RHAG: variants seen among roughly 807,000 people sequenced by gnomAD.
RHAG encodes ammonium transporter Rh type A.
In RHAG, 25 loss-of-function variants were observed where a neutral mutation model predicts 42.4. The ratio of observed to expected loss-of-function variants is 0.59; its 90% CI spans 0.43 to 0.82. RHAG has a LOEUF of 0.82. Among genes scored for constraint, RHAG ranks in the 40% least tolerant of loss-of-function variants. RHAG has a pLI of 0.00. For missense variants in RHAG, 483 were observed against 504.6 expected, an observed-to-expected ratio of 0.96 and a Z score of 0.41; for synonymous variants, 182 against 177.7, an observed-to-expected ratio of 1.02 and a Z score of -0.19.
At chr6:49,629,018 C>A (rs967801951) in intron 1 of RHAG, among the ~76,000 whole-genome samples, 1 of 152,152 alleles carries the variant, frequency 6.6e-6, no homozygotes, top group Non-Finnish European at 1.5e-5. Flanking sequence ...CCAAGTGGTG[C>A]GTTTTGACAG....
At chr6:49,630,649 TTACA>T (rs1266431421) in intron 1 of RHAG, among the ~76,000 whole-genome samples, 1 of 152,174 alleles carries the variant, frequency 6.6e-6, no homozygotes, top group Non-Finnish European at 1.5e-5. Flanking sequence ...CAATAAACAC[TTACA>T]TACTATTCAC....
chr6:49,631,429 T>C (rs1275626828), intron 1 of RHAG, among the ~76,000 whole-genome samples: 5 of 152,250 alleles, frequency 3.3e-5, no homozygotes, highest in Non-Finnish European at 5.9e-5. Context: ...CTCCTCTTTT[T>C]CTCTTTTATG....
Position 49,612,481 on chromosome 6 carries a change from C to T in RHAG, c.861G>A (p.Ala287=), listed in dbSNP as rs10485291. 0.033 allele frequency: 53,633 copies of T among 1,613,844 alleles called. 1,349 individuals carry two copies. Among genetic ancestry groups the T allele is most frequent in the South Asian group, 0.097 (8,876 of 91,064 alleles). ...AACCAAATGGGTGAATTGCCATATC[C>T]GCACAAGTGCCCACAGCAACTCCTC... The part of the protein sequence containing the change: ...LAGGVAVGTC[A]DMAIHPFGSM... The change falls in exon 6 of 10, where the codon GCG becomes GCA. Residue 287 remains alanine, a synonymous_variant. Coordinates refer to ENST00000371175, the MANE Select transcript of RHAG (RefSeq NM_000324.3).
intron 1 of RHAG, among the ~76,000 whole-genome samples, chr6:49,630,032 C>A (rs992616026): frequency 2.0e-5 from 3 of 152,194 alleles, no homozygotes; most frequent in African/African-American, 7.2e-5. Flanking sequence ...CCTCAAGTGC[C>A]GCCAAAGTGG....
intron 3 of RHAG, among the ~76,000 whole-genome samples, chr6:49,617,191 A>G (rs1210162569): frequency 5.3e-5 from 8 of 152,228 alleles, no homozygotes; most frequent in Admixed American, 5.2e-4. Flanking sequence ...ACCTTGGCTT[A>G]AAGAACTTTT....
At chr6:49,614,462 A>G (rs1762618934) in intron 5 of RHAG, among the ~76,000 whole-genome samples, 1 of 151,920 alleles carries the variant, frequency 6.6e-6, no homozygotes, top group Non-Finnish European at 1.5e-5. Flanking sequence ...TAGGCCTCCC[A>G]AAGTGCTGGG....
chr6:49,628,135 GACACACAC>G (rs57969448), intron 1 of RHAG, among the ~76,000 whole-genome samples: 47 of 135,890 alleles, frequency 3.5e-4, no homozygotes, highest in African/African-American at 5.3e-4. Context: ...GTGTGTGTGA[GACACACAC>G]ACACACACAC....
intron 3 of RHAG, among the ~76,000 whole-genome samples, chr6:49,617,288 C>T (rs1233371255): frequency 6.6e-6 from 1 of 152,208 alleles, no homozygotes; most frequent in Non-Finnish European, 1.5e-5. Flanking sequence ...CTTGATTCTA[C>T]AATCTAATCT....
chr6:49,617,926 C>T, intron 3 of RHAG, 142 bp downstream of exon 3: 1 of 716,554 alleles, frequency 1.4e-6, no homozygotes, highest in Non-Finnish European at 2.4e-6. Flanking sequence ...AGTAGGCACT[C>T]AGTAAATGAT....
intron 5 of RHAG, 48 bp from the exon 6 acceptor site, chr6:49,612,582 A>T: frequency 1.2e-6 from 2 of 1,610,100 alleles, no homozygotes; most frequent in Non-Finnish European, 8.5e-7. Flanking sequence ...ATGATGGAGA[A>T]TTCAGAAGGA....
In RHAG at chr6:49,611,015, T is replaced by G; in HGVS notation, c.1067+9A>C. The stretch of plus-strand genomic sequence containing the variant: ...CCACAGGGGCTGAAAAACCCATTCT[T>G]TTACTCACGTGTTGGAGGCGCCCAT... On this transcript the variant is annotated intron_variant, in intron 7 of 9. Coordinates refer to ENST00000371175, the MANE Select transcript of RHAG (RefSeq NM_000324.3). 1.9e-6 allele frequency: 3 copies of G among 1,613,716 alleles called. No individual in the cohort carries two copies. The highest frequency in any genetic ancestry group is 2.5e-6 in the Non-Finnish European group (3 of 1,179,748).
intron 1 of RHAG, among the ~76,000 whole-genome samples, chr6:49,628,818 C>T (rs538539885): frequency 2.2e-4 from 33 of 152,248 alleles, no homozygotes; most frequent in Non-Finnish European, 3.8e-4. Flanking sequence ...CAGACCTTCA[C>T]GGTGAGTATT....
chr6:49,620,395 T>C (rs1216772684), intron 1 of RHAG, among the ~76,000 whole-genome samples: 2 of 152,214 alleles, frequency 1.3e-5, no homozygotes, highest in African/African-American at 4.8e-5. Flanking sequence ...AAGACATATA[T>C]ATGGATAAAC....
rs185166284 is a variant in RHAG, at chr6:49,635,680, T to C, written c.157+976A>G. 6.6e-5 allele frequency among the ~76,000 whole-genome samples: 10 copies of C among 152,218 alleles called. No homozygotes were observed. The East Asian group carries it at 1.9e-3, about 29-fold the overall frequency. On this transcript the variant is annotated intron_variant, in intron 1 of 9. Coordinates refer to ENST00000371175, the MANE Select transcript of RHAG (RefSeq NM_000324.3). ...TCCTTAGCTTTCAATTTTATATTTTTCCTATGTCACTTAGCAACTCTAGGC... is the reference window on the plus strand; with the variant it reads ...TCCTTAGCTTTCAATTTTATATTTTCCCTATGTCACTTAGCAACTCTAGGC...
intron 1 of RHAG, among the ~76,000 whole-genome samples, chr6:49,622,584 A>C (rs1762779265): frequency 6.6e-6 from 1 of 152,082 alleles, no homozygotes; most frequent in South Asian, 2.1e-4. Context: ...GACACCCAAG[A>C]GGTGACTTGC....
intron 5 of RHAG, among the ~76,000 whole-genome samples, chr6:49,614,199 T>C (rs1342240281): frequency 6.6e-5 from 10 of 151,974 alleles, no homozygotes; most frequent in Admixed American, 5.9e-4. Context: ...TTTCTTTTTT[T>C]TTTTCTTTGT....
intron 7 of RHAG, among the ~76,000 whole-genome samples, chr6:49,610,694 C>T (rs1762557884): frequency 6.6e-6 from 1 of 152,176 alleles, no homozygotes; most frequent in Admixed American, 6.5e-5. Flanking sequence ...TATGTGCCTC[C>T]TCCTCCATTT....
rs188404564 is a variant in RHAG at position 49,607,320 on chromosome 6, A to C, written c.1068-100T>G. ...TGGATGACTGCCATCTTCAGGCCAG[A>C]GTGTAACATTACACAGCAGCAAATT... is the stretch of plus-strand genomic sequence containing the variant. On this transcript the variant is annotated intron_variant, in intron 7 of 9. Coordinates refer to ENST00000371175, the MANE Select transcript of RHAG (RefSeq NM_000324.3). 2,729 of 843,842 alleles carry C rather than the reference A, an allele frequency of 3.2e-3. 10 individuals carry two copies. The highest frequency in any genetic ancestry group is 0.013 in the Middle Eastern group (60 of 4,620). The allele number at this position is 843,842 out of a possible 1,614,324, so 52.3% of individuals were successfully genotyped here.
chr6:49,618,036 A>G (rs1762682852), intron 3 of RHAG, 32 bp downstream of exon 3: 1 of 1,606,238 alleles, frequency 6.2e-7, no homozygotes, highest in African/African-American at 1.3e-5. Flanking sequence ...TGATGCCCAA[A>G]GCTAGGAAAG....
Sources: allele counts gnomAD v4.1 joint callset (sites outside exome capture counted in the v4.1 genomes callset), GRCh38; gene constraint gnomAD v4.1.1; transcripts MANE v1.5; gene names NCBI Gene and HGNC (gene_info 2026-07-23, HGNC 2026-07-21).